LIMS2: variants seen among roughly 807,000 people sequenced by gnomAD.
LIMS2 encodes LIM zinc finger domain containing 2.
A neutral mutation model predicts 45.3 loss-of-function variants in LIMS2; 30 were observed. That is an observed-to-expected ratio of 0.66 (90% CI 0.50 to 0.90). The LOEUF (loss-of-function observed/expected upper bound fraction) is 0.90. LIMS2 is among the 40% of genes least tolerant of loss of function. The pLI, the probability that LIMS2 is intolerant of heterozygous loss-of-function variation, is 0.00. For synonymous variants in LIMS2, 173 were observed against 188.0 expected (o/e 0.92, Z 0.65); for missense variants, 485 against 468.7 (o/e 1.03, Z -0.32).
chr2:127,662,734 G>A (rs1421916913), intron 1 of LIMS2, among the ~76,000 whole-genome samples: 4 of 151,828 alleles, frequency 2.6e-5, no homozygotes, highest in South Asian at 2.1e-4. Flanking sequence ...CATGGCACAT[G>A]TATACATATG....
chr2:127,659,059 G>C (rs145389462), intron 1 of LIMS2, among the ~76,000 whole-genome samples: 1 of 152,220 alleles, frequency 6.6e-6, no homozygotes, highest in African/African-American at 2.4e-5. Context: ...AGGGGTGGAC[G>C]ACAGGGCTGC....
At position 127,654,909 on chromosome 2, in the gene LIMS2, C is replaced by T; in HGVS notation, c.172-13G>A. On this transcript the variant is annotated splice_polypyrimidine_tract_variant and intron_variant, in intron 2 of 9. Coordinates refer to ENST00000355119, the MANE Select transcript of LIMS2 (RefSeq NM_001161403.3). Reference sequence around the variant, plus strand: ...TCCGGCCTTCAAACTGCAAAGGGGTCGCAGAGAGAGGACAAGCAAACCACC... The same window carrying T: ...TCCGGCCTTCAAACTGCAAAGGGGTTGCAGAGAGAGGACAAGCAAACCACC... The T allele has an allele frequency of 6.2e-7, 1 of 1,612,984 alleles. No homozygotes were observed. The highest frequency in any genetic ancestry group is 1.3e-5 in the African/African-American group (1 of 75,018).
chr2:127,674,501 C>G, intron 1 of LIMS2: 2 of 495,728 alleles, frequency 4.0e-6, no homozygotes, highest in Non-Finnish European at 2.6e-6. Flanking sequence ...CCAACCCCTG[C>G]ACAGCTGGTG....
chr2:127,657,578 A>G lies in LIMS2; in HGVS notation c.12-16T>C. The G allele has an allele frequency of 6.3e-7, 1 of 1,583,798 alleles. No individual in the cohort carries two copies. Among genetic ancestry groups the G allele is most frequent in the Non-Finnish European group, 8.6e-7 (1 of 1,164,196 alleles). Reference sequence around the variant, plus strand: ...CGACATATTGCTGGGGGCAGGAGACAGGAGGAGTGAGTCAGAGCTGGTCAG... The same window carrying G: ...CGACATATTGCTGGGGGCAGGAGACGGGAGGAGTGAGTCAGAGCTGGTCAG... On this transcript the variant is annotated splice_polypyrimidine_tract_variant and intron_variant, in intron 1 of 9. Transcript: ENST00000355119.
intron 2 of LIMS2, 78 bp downstream of exon 2, chr2:127,657,325 T>C: frequency 1.9e-6 from 3 of 1,568,104 alleles, no homozygotes; most frequent in Admixed American, 1.7e-5. Context: ...TCGGGACCAC[T>C]GCATGGAGCC....
intron 1 of LIMS2, chr2:127,674,094 G>A: frequency 3.3e-6 from 1 of 301,388 alleles, no homozygotes; most frequent in Non-Finnish European, 6.5e-6. Flanking sequence ...CAGCTCCCCT[G>A]TGGGCCTCGG....
rs1316051897 is a variant in LIMS2 at position 127,672,499 on chromosome 2, AC to A, written c.11+2514del. Among the ~76,000 whole-genome samples the A allele has an allele frequency of 4.0e-5, 6 of 149,668 alleles. No individual in the cohort carries two copies. The East Asian group carries it at 1.2e-3, about 30-fold the overall frequency. On this transcript the variant is annotated intron_variant, in intron 1 of 9. Transcript: ENST00000355119. The surrounding 1 kb of genome is among the most constrained non-coding windows in gnomAD (Gnocchi z 4.9). ...CACAACCACACCAAGCATGCCATCC[AC>A]CCCCACCTGTCATCACAGGAGGGGC...
intron 4 of LIMS2, chr2:127,650,310 C>CACA: frequency 1.8e-6 from 1 of 568,314 alleles, no homozygotes; most frequent in South Asian, 2.1e-5. Flanking sequence ...AGACACACTG[C>CACA]CCCCGCCCCT....
chr2:127,675,462 G>C lies in LIMS2; in HGVS notation c.-438C>G, dbSNP rs1424144098. 1.3e-5 allele frequency among the ~76,000 whole-genome samples: 2 copies of C among 152,042 alleles called. No individual in the cohort carries two copies. The highest frequency in any genetic ancestry group is 4.8e-5 in the African/African-American group (2 of 41,420). ...CGCTCCCGCACAGCCCCAGCTCCAG[G>C]GACACGGAGCGCGGCCAGCGGCGGG... On this transcript the variant is annotated 5_prime_UTR_variant, in exon 1 of 10. Transcript: ENST00000355119.
At position 127,667,674 on chromosome 2, in the gene LIMS2, G is replaced by A. The variant is rs1358972562; in HGVS notation, c.11+7340C>T. ...ATAATAAAAGCACCCAACAAACTGG[G>A]AATAGAAGGGAACTTCTTCAATTTG... On this transcript the variant is annotated intron_variant, in intron 1 of 9. Coordinates refer to ENST00000355119, the MANE Select transcript of LIMS2 (RefSeq NM_001161403.3). This position sits in a 1 kb window ranked among gnomAD's most constrained non-coding sequence, Gnocchi z 4.1. 2.6e-5 allele frequency among the ~76,000 whole-genome samples: 4 copies of A among 152,164 alleles called. No individual in the cohort carries two copies. The highest frequency in any genetic ancestry group is 9.6e-5 in the African/African-American group (4 of 41,456).
chr2:127,661,298 A>G (rs1028482484), intron 1 of LIMS2, among the ~76,000 whole-genome samples: 1 of 152,206 alleles, frequency 6.6e-6, no homozygotes, highest in African/African-American at 2.4e-5. Context: ...CACATCGAGG[A>G]GCCAAAGTGA....
chr2:127,643,008 G>A lies in LIMS2; in HGVS notation c.424C>T (p.Arg142Trp), dbSNP rs780800196. 36 of 1,581,682 alleles carry A rather than the reference G, an allele frequency of 2.3e-5. No homozygotes were observed. Among genetic ancestry groups the A allele is most frequent in the Admixed American group, 1.3e-4 (7 of 55,126 alleles). The stretch of plus-strand genomic sequence containing the variant: ...TGCTCGTCGATGACCAGGTGGCACC[G>A]CTGGCAGATGTACTTGCCCAGGCCC... ...AKGLGKYICQ[R>W]CHLVIDEQPL... The change falls in exon 5 of 10, where the codon CGG becomes TGG. Residue 142 changes from arginine to tryptophan, a missense_variant. By Grantham distance (101) the Arg-to-Trp change is moderately radical. Transcript: ENST00000355119.
At chr2:127,678,376 G>C (rs560715381), upstream of LIMS2, among the ~76,000 whole-genome samples, 2 of 152,314 alleles carry the variant, frequency 1.3e-5, no homozygotes, top group South Asian at 4.1e-4. The surrounding 1 kb of genome is among the most constrained non-coding windows in gnomAD (Gnocchi z 5.3). Flanking sequence ...GGAGAATCTA[G>C]GTGGTGGGTA....
Position 127,641,734 on chromosome 2 carries a change from C to G in LIMS2, c.660+315G>C, listed in dbSNP as rs11679385. On this transcript the variant is annotated intron_variant, in intron 6 of 9. Coordinates refer to ENST00000355119, the MANE Select transcript of LIMS2 (RefSeq NM_001161403.3). ...ATGCAGCGGGTTCTGTCATCCACAA[C>G]CCCCAGGCACTCTGGACAGACTGCC... is the stretch of plus-strand genomic sequence containing the variant. 0.18 allele frequency: 50,360 copies of G among 287,286 alleles called. 5,689 individuals carry two copies. Among genetic ancestry groups the G allele is most frequent in the African/African-American group, 0.37 (16,795 of 45,808 alleles). 17.8% of individuals were successfully genotyped at this position (287,286 alleles called of 1,614,324 possible).
At chr2:127,660,308 A>G (rs1407309565) in intron 1 of LIMS2, among the ~76,000 whole-genome samples, 1 of 152,238 alleles carries the variant, frequency 6.6e-6, no homozygotes, top group African/African-American at 2.4e-5. Context: ...AACCCACAGC[A>G]GCAACCAGTT....
At chr2:127,652,652 T>C (rs1369294082) in intron 4 of LIMS2, 2 of 159,276 alleles carry the variant, frequency 1.3e-5, no homozygotes, top group East Asian at 3.8e-4. Context: ...CAGGTTGTTA[T>C]GTTTGGTCAA....
chr2:127,651,090 A>T, intron 4 of LIMS2: 1 of 1,613,700 alleles, frequency 6.2e-7, no homozygotes, highest in Non-Finnish European at 8.5e-7. Context: ...GTACGCCAGC[A>T]TCTACTTCCT....
chr2:127,676,480 C>G (rs769132253), upstream of LIMS2, among the ~76,000 whole-genome samples: 5 of 143,166 alleles, frequency 3.5e-5, no homozygotes, highest in Non-Finnish European at 6.0e-5. Context: ...GGTGCAATCT[C>G]CGCTCACTGC....
rs1558903266 is a variant in LIMS2, at chr2:127,671,510, A to G, written c.11+3504T>C. On this transcript the variant is annotated intron_variant, in intron 1 of 9. Transcript: ENST00000355119. This position sits in a 1 kb window ranked among gnomAD's most constrained non-coding sequence, Gnocchi z 4.1. ...AAGAAGGATAACCCGCTGTGGATAG[A>G]AAGCCCGGGCTCCTCTCCCCAGTGG... Among the ~76,000 whole-genome samples, 1 of 151,996 alleles carries G rather than the reference A, an allele frequency of 6.6e-6. No homozygotes were observed. The highest frequency in any genetic ancestry group is 1.5e-5 in the Non-Finnish European group (1 of 68,006).
Sources: allele counts gnomAD v4.1 joint callset (sites outside exome capture counted in the v4.1 genomes callset), GRCh38; gene constraint gnomAD v4.1.1; non-coding constraint Gnocchi (gnomAD v3.1); transcripts MANE v1.5; gene names NCBI Gene and HGNC (gene_info 2026-07-23, HGNC 2026-07-21).